The following DOCK9 variants were observed in gnomAD, a reference collection of about 807,000 sequenced individuals.
DOCK9 encodes dedicator of cytokinesis protein 9.
In DOCK9, 89 loss-of-function variants were observed where a neutral mutation model predicts 263.3. The observed-to-expected ratio is 0.34, with a 90% CI of 0.28 to 0.40. DOCK9 has a LOEUF of 0.40. DOCK9 is among the 10% of genes least tolerant of loss of function. The pLI is 1.00. For synonymous variants in DOCK9, 976 were observed against 973.1 expected (o/e 1.00, Z -0.06); for missense variants, 2,140 against 2,603.4 (o/e 0.82, Z 3.87).
Position 98,825,797 on chromosome 13 carries a change from G to T in DOCK9, c.5023+1033C>A. 1 of 1,025,552 alleles carries T rather than the reference G, an allele frequency of 9.8e-7. No individual in the cohort carries two copies. The highest frequency in any genetic ancestry group is 1.3e-6 in the Non-Finnish European group (1 of 748,146). 63.5% of individuals were successfully genotyped at this position (1,025,552 alleles called of 1,614,324 possible). A position where few individuals can be genotyped will look rare whatever the true frequency, so the allele number is the denominator to read the frequency against. The stretch of plus-strand genomic sequence containing the variant: ...AGTCTGTCCATGCAAAGTTAAAAGG[G>T]CAAATCCCCCACCACGGGAGGGCAC... On this transcript the variant is annotated intron_variant, in intron 44 of 52. Coordinates refer to ENST00000682017, the MANE Select transcript of DOCK9 (RefSeq NM_001366683.2). This position sits in a 1 kb window ranked among gnomAD's most constrained non-coding sequence, Gnocchi z 4.1.
chr13:98,856,256 T>C, intron 33 of DOCK9: 1 of 428,262 alleles, frequency 2.3e-6, no homozygotes, highest in Non-Finnish European at 4.2e-6. Flanking sequence ...ATTCACTTGT[T>C]AGAAACCACC....
chr13:98,939,628 G>A (rs1331439266), intron 2 of DOCK9, among the ~76,000 whole-genome samples: 4 of 152,182 alleles, frequency 2.6e-5, no homozygotes, highest in African/African-American at 9.7e-5. Context: ...GGAGACGGAC[G>A]GACCTGGATG....
chr13:98,810,116 T>A lies in DOCK9; in HGVS notation c.5253+53A>T. 6.8e-6 allele frequency: 11 copies of A among 1,610,096 alleles called. No homozygotes were observed. The South Asian group carries it at 1.2e-4, about 18-fold the overall frequency. On this transcript the variant is annotated intron_variant, in intron 46 of 52. Transcript: ENST00000682017. ...TCACATATATGCAGGTCTGGGTATA[T>A]GTCACAGCGTCATGCTCTCAAATAG...
At chr13:98,843,115 C>T (rs1445565920) in intron 38 of DOCK9, among the ~76,000 whole-genome samples, 1 of 152,154 alleles carries the variant, frequency 6.6e-6, no homozygotes, top group East Asian at 1.9e-4. Flanking sequence ...TCCTACTCTA[C>T]AGAAATAGCG....
chr13:98,915,190 C>T (rs776504220), intron 8 of DOCK9, 139 bp downstream of exon 8: 18 of 738,706 alleles, frequency 2.4e-5, no homozygotes, highest in Non-Finnish European at 3.4e-5. Context: ...CCTTTGCTGA[C>T]AGGATATTTG....
chr13:99,021,638 CAAAAAA>C (rs61660903), intron 1 of DOCK9, among the ~76,000 whole-genome samples: 2 of 101,568 alleles, frequency 2.0e-5, no homozygotes, highest in Non-Finnish European at 3.9e-5. Flanking sequence ...GACTCTGTCT[CAAAAAA>C]AAAAAAAAAA....
At chr13:98,885,128 A>G in intron 20 of DOCK9, 36 bp from the exon 21 acceptor site, 2 of 1,603,474 alleles carry the variant, frequency 1.2e-6, no homozygotes, top group Non-Finnish European at 1.7e-6. Flanking sequence ...ACAACAGAAC[A>G]CTGTGAGTGT....
rs2045090626 is a variant in DOCK9, at chr13:98,883,082, C to A, written c.2519G>T (p.Gly840Val). The change falls in exon 23 of 53, where the codon GGA (glycine) becomes GTA (valine). Residue 840 changes from glycine (G) to valine (V), a missense_variant. Transcript: ENST00000682017. The part of the protein sequence containing the change: ...FFQYCQKTES[G>V]AQALGNELVK... ...AAGTTCGTTTCCTAAGGCTTGGGCT[C>A]CAGATTCGGTTTTCTGACAGTACTG... The A allele has an allele frequency of 1.2e-6, 2 of 1,613,850 alleles. No individual in the cohort carries two copies. Among genetic ancestry groups the A allele is most frequent in the Middle Eastern group, 1.6e-4 (1 of 6,062 alleles).
At chr13:98,818,359 G>A (rs758276247) in intron 45 of DOCK9, among the ~76,000 whole-genome samples, 1 of 152,266 alleles carries the variant, frequency 6.6e-6, no homozygotes, top group African/African-American at 2.4e-5. Context: ...AAACATTGGA[G>A]CATATATGAA....
Position 98,794,652 on chromosome 13 carries a change from TC to T in DOCK9, c.6252del (p.Met2085Ter). ...CACACGACCGAAGACGAGCTGGTCA[TC>T]CCGTGAACCATTGTGCTTGTTGGAG... ...SGTPTSTMVH[G>X]MTSSSSVV On this transcript the variant is annotated frameshift_variant, in exon 53 of 53. Coordinates refer to ENST00000682017, the MANE Select transcript of DOCK9 (RefSeq NM_001366683.2). LOFTEE classifies it high-confidence loss of function. The T allele has an allele frequency of 6.2e-7, 1 of 1,611,582 alleles. No individual in the cohort carries two copies. The highest frequency in any genetic ancestry group is 1.1e-5 in the South Asian group (1 of 90,364).
chr13:98,969,354 A>C (rs2059499505), intron 1 of DOCK9, among the ~76,000 whole-genome samples: 1 of 152,128 alleles, frequency 6.6e-6, no homozygotes, highest in African/African-American at 2.4e-5. Flanking sequence ...GGCAAATGAA[A>C]ACGTGAATGA....
At chr13:98,831,564 A>C (rs1239090144) in intron 40 of DOCK9, 34 bp from the exon 41 acceptor site, 1 of 1,589,132 alleles carries the variant, frequency 6.3e-7, no homozygotes, top group Non-Finnish European at 8.6e-7. Context: ...CAGATAAACC[A>C]CAGACAGGTC....
chr13:98,919,250 C>T (rs1448350765), intron 7 of DOCK9, among the ~76,000 whole-genome samples: 1 of 152,094 alleles, frequency 6.6e-6, no homozygotes, highest in East Asian at 1.9e-4. Flanking sequence ...GCTGGGATTA[C>T]ACGCACCCAC....
At chr13:98,887,289 C>T (rs540523190) in intron 18 of DOCK9, among the ~76,000 whole-genome samples, 34 of 150,800 alleles carry the variant, frequency 2.3e-4, no homozygotes, top group African/African-American at 7.8e-4. Flanking sequence ...TTACCTTAGG[C>T]AAAAAATTCT....
intron 35 of DOCK9, among the ~76,000 whole-genome samples, chr13:98,852,306 C>CT (rs1333685450): frequency 2.0e-5 from 3 of 152,058 alleles, no homozygotes; most frequent in African/African-American, 7.2e-5. Flanking sequence ...CTCGTCTGTT[C>CT]TTTTTTAAAA....
At chr13:98,963,466 C>T (rs988459279) in intron 1 of DOCK9, among the ~76,000 whole-genome samples, 3 of 152,184 alleles carry the variant, frequency 2.0e-5, no homozygotes, top group Non-Finnish European at 2.9e-5. Flanking sequence ...AGCTAAGCTC[C>T]AAAGAGCACA....
In DOCK9 at chr13:98,808,720, A is replaced by G. The variant is rs116105490; in HGVS notation, c.5367+632T>C. 7,759 of 1,297,452 alleles carry G rather than the reference A, an allele frequency of 6.0e-3. 349 individuals carry two copies. In the African/African-American group the frequency reaches 0.098, roughly 16 times the overall value. 80.4% of individuals were successfully genotyped at this position (1,297,452 alleles called of 1,614,324 possible). On this transcript the variant is annotated intron_variant, in intron 47 of 52. Coordinates refer to ENST00000682017, the MANE Select transcript of DOCK9 (RefSeq NM_001366683.2). ...AATAACAGAATAAATTGAAGGTTAT[A>G]TAATGCTCATAGAAAACCACACGCC...
chr13:99,071,306 C>CCTTTTTTTTTTTTTTTTTTTTTTTTTTT lies in DOCK9; in HGVS notation c.129+14916_129+14917insAAAAAAAAAAAAAAAAAAAAAAAAAAAG, dbSNP rs1286343497. ...TACAGGTGCTTGCCACCATGCCTGGCTTTTTTTTTTTTTTTTTTTTTTTTT... is the reference window on the plus strand; with the variant it reads ...TACAGGTGCTTGCCACCATGCCTGGCCTTTTTTTTTTTTTTTTTTTTTTTTTTTTTTTTTTTTTTTTTTTTTTTTTTTT... On this transcript the variant is annotated intron_variant, in intron 1 of 32. Transcript: ENST00000427887. Among the ~76,000 whole-genome samples the CCTTTTTTTTTTTTTTTTTTTTTTTTTTT allele has an allele frequency of 6.1e-5, 3 of 49,330 alleles. 1 individual carries two copies. The Admixed American group carries it at 8.2e-4, about 14-fold the overall frequency. The allele number at this position is 49,330 out of a possible 152,430, so 32.4% of individuals were successfully genotyped here. A position where few individuals can be genotyped will look rare whatever the true frequency, so the allele number is the denominator to read the frequency against.
chr13:99,053,622 TACAAAAGA>T (rs1252548670), intron 1 of DOCK9, among the ~76,000 whole-genome samples: 1 of 152,118 alleles, frequency 6.6e-6, no homozygotes, highest in African/African-American at 2.4e-5. Context: ...CAGACCCTTG[TACAAAAGA>T]ATTAAAGAAA....
Sources: gnomAD v4.1 joint callset for allele counts (sites outside exome capture counted in the v4.1 genomes callset) on GRCh38, gnomAD v4.1.1 for gene constraint, Gnocchi (gnomAD v3.1) non-coding constraint, MANE v1.5 for transcripts, NCBI Gene and HGNC (gene_info 2026-07-23, HGNC 2026-07-21) for gene names.